The following MPHOSPH9 variants were observed in gnomAD, a reference collection of about 807,000 sequenced individuals.
MPHOSPH9 encodes the protein M-phase phosphoprotein 9.
A neutral mutation model predicts 145.5 loss-of-function variants in MPHOSPH9; 88 were observed. That is an observed-to-expected ratio of 0.60 (90% CI 0.51 to 0.72). The LOEUF (loss-of-function observed/expected upper bound fraction) is 0.72. Among genes scored for constraint, MPHOSPH9 ranks in the 30% least tolerant of loss-of-function variants. MPHOSPH9 has a pLI of 0.00. For missense variants in MPHOSPH9, 1,238 were observed against 1,386.6 expected (o/e 0.89, Z 1.70); for synonymous variants, 435 against 486.2 (o/e 0.89, Z 1.39).
chr12:123,211,192 C>T (rs1426970233), intron 7 of MPHOSPH9, among the ~76,000 whole-genome samples: 1 of 152,016 alleles, frequency 6.6e-6, no homozygotes, highest in Non-Finnish European at 1.5e-5. Context: ...GCCATTTTGG[C>T]TAGACTGGTC....
intron 11 of MPHOSPH9, among the ~76,000 whole-genome samples, chr12:123,200,766 C>G (rs553756274): frequency 1.5e-4 from 22 of 151,286 alleles, no homozygotes; most frequent in Non-Finnish European, 2.9e-4. Flanking sequence ...TCAAGTGATT[C>G]TCCTGCCTCA....
chr12:123,194,493 G>A lies in MPHOSPH9; in HGVS notation c.2134C>T (p.Arg712Ter), dbSNP rs1593155020. Residue 712 changes from arginine (R) to a stop codon, truncating the protein, a stop_gained, in exon 13 of 24, where the codon CGA becomes TGA. Coordinates refer to ENST00000606320, the MANE Select transcript of MPHOSPH9 (RefSeq NM_022782.4). LOFTEE classifies it high-confidence loss of function. ...SSKEKDNTII[R>*]LKSRLQDLEE... is the part of the protein sequence containing the mutation. Reference sequence around the variant, plus strand: ...AAATCTTGCAGTCTAGATTTTAGTCGAATGATGGTATTGTCTTTTTCTTTA... The same window carrying A: ...AAATCTTGCAGTCTAGATTTTAGTCAAATGATGGTATTGTCTTTTTCTTTA... The A allele has an allele frequency of 3.7e-6, 6 of 1,611,556 alleles. No individual in the cohort carries two copies. Among genetic ancestry groups the A allele is most frequent in the Middle Eastern group, 1.7e-4 (1 of 5,738 alleles).
At chr12:123,228,783 A>C (rs1418872759) in intron 2 of MPHOSPH9, among the ~76,000 whole-genome samples, 2 of 152,228 alleles carry the variant, frequency 1.3e-5, no homozygotes, top group Non-Finnish European at 2.9e-5. Context: ...ACTGCCAGTC[A>C]CAATGAAAAG....
At chr12:123,181,312 C>T in intron 13 of MPHOSPH9, 102 bp from the exon 14 acceptor site, 2 of 922,044 alleles carry the variant, frequency 2.2e-6, no homozygotes, top group South Asian at 3.0e-5. Flanking sequence ...TCAAAAATGC[C>T]AATGTCATGA....
chr12:123,209,422 T>A (rs2046597842), intron 8 of MPHOSPH9, among the ~76,000 whole-genome samples: 1 of 152,098 alleles, frequency 6.6e-6, no homozygotes, highest in South Asian at 2.1e-4. Flanking sequence ...TTTTTTTTCT[T>A]TGAGATGGAG....
At chr12:123,165,138 G>A (rs1233039305) in intron 18 of MPHOSPH9, among the ~76,000 whole-genome samples, 164 bp downstream of exon 18, 1 of 152,012 alleles carries the variant, frequency 6.6e-6, no homozygotes, top group Non-Finnish European at 1.5e-5. Context: ...TATTAACTAG[G>A]ACATTCAATT....
chr12:123,241,351 G>A (rs1218419108), intron 1 of MPHOSPH9, among the ~76,000 whole-genome samples: 1 of 151,678 alleles, frequency 6.6e-6, no homozygotes, highest in Non-Finnish European at 1.5e-5. Context: ...TGTTTTTTGA[G>A]ACAGAGTCTC....
At chr12:123,219,081 T>C (rs2047090479) in intron 5 of MPHOSPH9, among the ~76,000 whole-genome samples, 1 of 151,778 alleles carries the variant, frequency 6.6e-6, no homozygotes, top group East Asian at 2.0e-4. Context: ...TTTTCTATTT[T>C]TTTTGTAGAG....
rs781468039 is a variant in MPHOSPH9 at position 123,202,855 on chromosome 12, G to A, written c.1550C>T (p.Pro517Leu). The A allele has an allele frequency of 4.5e-5, 73 of 1,614,046 alleles. No homozygotes were observed. The highest frequency in any genetic ancestry group is 3.3e-4 in the Middle Eastern group (2 of 6,084). ...TGTCTGATTTTTCCAAGAGTCCACC[G>A]GAGAAGCTTTTGTGTGTGAGGGATA... ...PKYPSHTKAS[P>L]VDSWKNQTFQ... The change falls in exon 10 of 24, where the codon CCG becomes CTG. Residue 517 changes from proline to leucine, a missense_variant. Transcript: ENST00000606320.
intron 13 of MPHOSPH9, among the ~76,000 whole-genome samples, chr12:123,190,070 T>C (rs2045609649): frequency 6.6e-6 from 1 of 152,014 alleles, no homozygotes; most frequent in African/African-American, 2.4e-5. Context: ...TTCACACAAT[T>C]TAGATCAGTT....
At chr12:123,175,166 T>C (rs985067041) in intron 16 of MPHOSPH9, among the ~76,000 whole-genome samples, 8 of 151,934 alleles carry the variant, frequency 5.3e-5, no homozygotes, top group Non-Finnish European at 1.0e-4. Flanking sequence ...TTTTTTTTTT[T>C]CTGAGACGGA....
chr12:123,204,911 G>A (rs764680919), intron 8 of MPHOSPH9, among the ~76,000 whole-genome samples: 41 of 152,098 alleles, frequency 2.7e-4, no homozygotes, highest in African/African-American at 9.2e-4. Context: ...CCCTAATTTC[G>A]AAAAATTGAA....
chr12:123,233,846 G>A (rs960201748), upstream of MPHOSPH9: 1 of 152,964 alleles, frequency 6.5e-6, no homozygotes, highest in Non-Finnish European at 1.5e-5. Context: ...GAAACGGAAG[G>A]ATCCTCATGT....
intron 17 of MPHOSPH9, chr12:123,165,688 G>T: frequency 2.1e-6 from 1 of 482,546 alleles, no homozygotes; most frequent in Non-Finnish European, 3.7e-6. Flanking sequence ...AGGGAAAGAG[G>T]CAGGAGCGCT....
chr12:123,157,512 C>G (rs149088958), intron 23 of MPHOSPH9, among the ~76,000 whole-genome samples: 92 of 152,238 alleles, frequency 6.0e-4, no homozygotes, highest in Middle Eastern at 3.4e-3. Flanking sequence ...CAGGGTCTTG[C>G]TCTGTCACCC....
In MPHOSPH9 at chr12:123,214,759, A is replaced by T. The variant is rs1306999849; in HGVS notation, c.1072T>A (p.Ser358Thr). 1.2e-6 allele frequency: 2 copies of T among 1,611,986 alleles called. No individual in the cohort carries two copies. Among genetic ancestry groups the T allele is most frequent in the Admixed American group, 3.3e-5 (2 of 59,994 alleles). Residue 358 changes from serine to threonine, a missense_variant, in exon 7 of 24, where the codon TCT becomes ACT. Transcript: ENST00000606320. ...AGTATCATACCTGTTCCTGAATCAG[A>T]CATCCAAGCATTTGGAGTTTCATCT... The part of the protein sequence containing the change: ...KPDETPNAWM[S>T]DSGTGLTYWK...
In MPHOSPH9 at chr12:123,223,029, G is replaced by C. The variant is rs1049886955; in HGVS notation, c.348+9C>G. On this transcript the variant is annotated intron_variant, in intron 4 of 23. Transcript: ENST00000606320. ...ATAAAAAAAGGAATCAATGTAAATG[G>C]TAACTTACTTGAATTTGGTTGTGGA... The C allele has an allele frequency of 5.3e-6, 8 of 1,499,222 alleles. No individual in the cohort carries two copies. Among genetic ancestry groups the C allele is most frequent in the African/African-American group, 2.8e-5 (2 of 71,392 alleles). 92.9% of individuals were successfully genotyped at this position (1,499,222 alleles called of 1,614,324 possible).
chr12:123,223,114 T>G lies in MPHOSPH9; in HGVS notation c.272A>C (p.Gln91Pro), dbSNP rs1278200022. 16 of 1,436,984 alleles carry G rather than the reference T, an allele frequency of 1.1e-5. No homozygotes were observed. In the Middle Eastern group the frequency reaches 5.4e-4, roughly 48 times the overall value. The allele number at this position is 1,436,984 out of a possible 1,614,324, so 89.0% of individuals were successfully genotyped here. A position where few individuals can be genotyped will look rare whatever the true frequency, so the allele number is the denominator to read the frequency against. ...LWKNCETRWL[Q>P]LFNLVEKQCQ... ...TTGTTTTTCCACCAAATTGAATAGC[T>G]GTAACCACCTGGTCTATTAAATTAT... The change falls in exon 4 of 24, where the codon CAG (glutamine) becomes CCG (proline). Residue 91 changes from glutamine (Q) to proline (P), a missense_variant. Physicochemically the swap from Gln to Pro is moderately conservative, Grantham distance 76. This residue lies in a region of MPHOSPH9 where 837 missense variants were observed against 897.5 expected (regional missense o/e 0.93). Transcript: ENST00000606320.
intron 17 of MPHOSPH9, chr12:123,166,286 T>C: frequency 4.5e-6 from 1 of 223,016 alleles, no homozygotes; most frequent in South Asian, 6.5e-5. Context: ...TATTTATTTT[T>C]TGTAGAGGTG....
Sources: gnomAD v4.1 joint callset for allele counts (sites outside exome capture counted in the v4.1 genomes callset) on GRCh38, gnomAD v4.1.1 for gene constraint, gnomAD v4.1.1 regional missense constraint, MANE v1.5 for transcripts, NCBI Gene and HGNC (gene_info 2026-07-23, HGNC 2026-07-21) for gene names.